Variants in GJC1 observed in about 807,000 individuals in gnomAD.
GJC1 encodes the protein gap junction gamma-1 protein.
GJC1 carries 5 observed loss-of-function variants against 29.3 expected under a neutral mutation model. The ratio of observed to expected loss-of-function variants is 0.17; its 90% confidence interval spans 0.09 to 0.36. The LOEUF (loss-of-function observed/expected upper bound fraction) is 0.36. Among genes scored for constraint, GJC1 ranks in the 10% least tolerant of loss-of-function variants. The probability of loss-of-function intolerance (pLI) is 1.00; values close to 1 mark genes in which losing one functional copy is unlikely to be tolerated. For missense variants in GJC1, 310 were observed against 496.2 expected, an observed-to-expected ratio of 0.62 and a Z score of 3.56; for synonymous variants, 177 against 183.3, an observed-to-expected ratio of 0.97 and a Z score of 0.28.
chr17:44,821,557 C>T (rs1008467466), intron 1 of GJC1, among the ~76,000 whole-genome samples: 5 of 151,664 alleles, frequency 3.3e-5, no homozygotes, highest in African/African-American at 1.2e-4. Flanking sequence ...AATTAGCGGG[C>T]GTGGTGGCAC....
rs1272663809 is a variant in GJC1 at position 44,804,774 on chromosome 17, G to A, written c.1044C>T (p.Arg348=). The A allele has an allele frequency of 1.2e-6, 2 of 1,614,068 alleles. No individual in the cohort carries two copies. The highest frequency in any genetic ancestry group is 1.3e-5 in the African/African-American group (1 of 74,920). The change falls in exon 3 of 3, where the codon CGC becomes CGT. Residue 348 remains arginine (R), a synonymous_variant. Transcript: ENST00000592524. ...TGTAGGCCTGAACTGCCAGATCCAA[G>A]CGTTCCTGAGCCATCCTGATCTCCC... ...LQREIRMAQE[R]LDLAVQAYSH... is the part of the protein sequence containing the mutation.
intron 2 of GJC1, among the ~76,000 whole-genome samples, chr17:44,806,774 T>C (rs2049918655): frequency 1.3e-5 from 2 of 152,014 alleles, no homozygotes; most frequent in Non-Finnish European, 2.9e-5. Flanking sequence ...ACAGGTATAG[T>C]TATTCGGTCC....
chr17:44,829,588 A>T (rs1341795931), intron 1 of GJC1: 1 of 152,042 alleles, frequency 6.6e-6, no homozygotes, highest in African/African-American at 2.4e-5. Flanking sequence ...ACGCCGCCGG[A>T]GACGCAGGGA....
intron 1 of GJC1, among the ~76,000 whole-genome samples, chr17:44,826,225 T>C (rs2050174720): frequency 6.6e-6 from 1 of 152,048 alleles, no homozygotes; most frequent in Non-Finnish European, 1.5e-5. Context: ...CCTGGCCCCA[T>C]TTCATTTCTT....
chr17:44,806,734 A>T (rs1422063979), intron 2 of GJC1, among the ~76,000 whole-genome samples: 1 of 151,980 alleles, frequency 6.6e-6, no homozygotes, highest in Non-Finnish European at 1.5e-5. Context: ...AGACCTTCAG[A>T]ATTTTGTGAG....
chr17:44,829,647 G>A (rs1404743028), intron 1 of GJC1: 1 of 152,056 alleles, frequency 6.6e-6, no homozygotes, highest in African/African-American at 2.4e-5. Context: ...CGGGCGGCGA[G>A]GGGCGGCCCG....
intron 1 of GJC1, among the ~76,000 whole-genome samples, chr17:44,828,117 C>T (rs1178292651): frequency 1.3e-5 from 2 of 152,088 alleles, no homozygotes; most frequent in African/African-American, 4.8e-5. Flanking sequence ...GAAACACAAC[C>T]CTGCATTCCT....
At chr17:44,798,237 G>C (rs1207400044), downstream of GJC1, among the ~76,000 whole-genome samples, 1 of 152,174 alleles carries the variant, frequency 6.6e-6, no homozygotes, top group Non-Finnish European at 1.5e-5. Flanking sequence ...CAAACCTTTA[G>C]TTGGAAATTT....
chr17:44,820,718 G>C (rs556347887), intron 1 of GJC1, among the ~76,000 whole-genome samples: 1 of 152,080 alleles, frequency 6.6e-6, no homozygotes, highest in African/African-American at 2.4e-5. Flanking sequence ...ACTAAGAATC[G>C]TGCTAGTGAC....
intron 1 of GJC1, among the ~76,000 whole-genome samples, chr17:44,822,317 G>A (rs1397953105): frequency 6.6e-6 from 1 of 151,324 alleles, no homozygotes; most frequent in African/African-American, 2.4e-5. Context: ...ACGGGTATCA[G>A]GTTTCTTTTT....
At chr17:44,826,254 C>A (rs2050175218) in intron 1 of GJC1, among the ~76,000 whole-genome samples, 1 of 152,078 alleles carries the variant, frequency 6.6e-6, no homozygotes, top group Non-Finnish European at 1.5e-5. Context: ...AAATGCTGGC[C>A]GGGCACGGTG....
chr17:44,812,049 T>TCATGCCTGTAATGC (rs1319934436), intron 1 of GJC1, among the ~76,000 whole-genome samples: 3 of 150,898 alleles, frequency 2.0e-5, no homozygotes, highest in African/African-American at 7.3e-5. Context: ...GAGCAGTGGC[T>TCATGCCTGTAATGC]CATGCCTGTA....
At chr17:44,818,283 C>G (rs1256776599) in intron 1 of GJC1, among the ~76,000 whole-genome samples, 2 of 151,972 alleles carry the variant, frequency 1.3e-5, no homozygotes, top group Non-Finnish European at 2.9e-5. Flanking sequence ...AGTTTAAGAT[C>G]TTAAAATGTA....
At chr17:44,798,426 G>C (rs1373107006), downstream of GJC1, 1 of 152,148 alleles carries the variant, frequency 6.6e-6, no homozygotes, top group African/African-American at 2.4e-5. Flanking sequence ...CGAATTCTGA[G>C]AAAGGAAACA....
intron 1 of GJC1, among the ~76,000 whole-genome samples, chr17:44,811,236 C>G (rs1288943939): frequency 6.6e-6 from 1 of 152,016 alleles, no homozygotes; most frequent in Non-Finnish European, 1.5e-5. Flanking sequence ...CATGTGCCAC[C>G]ACACCCAGCT....
chr17:44,810,886 C>T (rs1211162408), intron 1 of GJC1, among the ~76,000 whole-genome samples: 2 of 152,132 alleles, frequency 1.3e-5, no homozygotes, highest in African/African-American at 4.8e-5. Context: ...AATCTTCCCA[C>T]CTTAGCCCCC....
upstream of GJC1, among the ~76,000 whole-genome samples, chr17:44,831,356 T>C (rs982857721): frequency 1.3e-5 from 2 of 152,328 alleles, no homozygotes; most frequent in Middle Eastern, 3.4e-3. Context: ...GCTTCTCTTT[T>C]CACATGGCAG....
chr17:44,807,320 T>G (rs1252676561), intron 2 of GJC1, 74 bp downstream of exon 2: 3 of 152,204 alleles, frequency 2.0e-5, no homozygotes, highest in Admixed American at 6.5e-5. Context: ...TAACTTGTCC[T>G]CCTCCCTCTC....
chr17:44,805,907 A>AT lies in GJC1; in HGVS notation c.-20-71dup. The AT allele has an allele frequency of 1.4e-6, 1 of 719,706 alleles. No homozygotes were observed. Among genetic ancestry groups the AT allele is most frequent in the Non-Finnish European group, 2.3e-6 (1 of 436,130 alleles). The allele number at this position is 719,706 out of a possible 1,614,324, so 44.6% of individuals were successfully genotyped here. ...AATCTTAATTTAATTACTAATTATG[A>AT]TATCTCTAGGAACTACTGCTTTGAA... is the stretch of plus-strand genomic sequence containing the variant. On this transcript the variant is annotated intron_variant, in intron 2 of 2. Coordinates refer to ENST00000592524, the MANE Select transcript of GJC1 (RefSeq NM_005497.4). The surrounding 1 kb of genome is among the most constrained non-coding windows in gnomAD (Gnocchi z 5.1).
Sources: allele counts gnomAD v4.1 joint callset (sites outside exome capture counted in the v4.1 genomes callset), GRCh38; gene constraint gnomAD v4.1.1; non-coding constraint Gnocchi (gnomAD v3.1); transcripts MANE v1.5; gene names NCBI Gene and HGNC (gene_info 2026-07-23, HGNC 2026-07-21).